The following NDE1 variants were observed in gnomAD, a reference collection of about 807,000 sequenced individuals.
The protein encoded by NDE1 is nuclear distribution protein nudE homolog 1.
In NDE1, 28 loss-of-function variants were observed where a neutral mutation model predicts 43.4. The observed-to-expected ratio is 0.65, with a 90% CI of 0.48 to 0.89. The LOEUF (loss-of-function observed/expected upper bound fraction) is 0.89, where lower values mean the gene tolerates loss of function less well. NDE1 is among the 40% of genes least tolerant of loss of function. The probability of loss-of-function intolerance (pLI) is 0.00; values close to 1 mark genes in which losing one functional copy is unlikely to be tolerated. For missense variants in NDE1, 441 were observed against 434.1 expected, an observed-to-expected ratio of 1.02 and a Z score of -0.14; for synonymous variants, 184 against 172.0, an observed-to-expected ratio of 1.07 and a Z score of -0.55.
At chr16:15,677,439 A>G (rs542040666) in intron 3 of NDE1, among the ~76,000 whole-genome samples, 2 of 152,112 alleles carry the variant, frequency 1.3e-5, no homozygotes, top group South Asian at 4.2e-4. Context: ...TACAAAAATT[A>G]GCCACTATTG....
chr16:15,707,828 T>C (rs1435334053), intron 8 of NDE1, among the ~76,000 whole-genome samples: 1 of 151,990 alleles, frequency 6.6e-6, no homozygotes, highest in Non-Finnish European at 1.5e-5. Flanking sequence ...AAAAATTAGC[T>C]GGGCGAGGTG....
At chr16:15,684,988 C>T (rs1261614785) in intron 4 of NDE1, among the ~76,000 whole-genome samples, 1 of 152,178 alleles carries the variant, frequency 6.6e-6, no homozygotes, top group East Asian at 1.9e-4. Flanking sequence ...CAGGATCTTT[C>T]AAATCAGTCC....
Position 15,714,718 on chromosome 16 carries a change from G to A in NDE1, c.948-9473G>A, listed in dbSNP as rs148225039. 5.5e-5 allele frequency: 39 copies of A among 713,496 alleles called. No homozygotes were observed. The African/African-American group carries it at 5.8e-4, about 11-fold the overall frequency. The allele number at this position is 713,496 out of a possible 1,614,324, so 44.2% of individuals were successfully genotyped here. A position where few individuals can be genotyped will look rare whatever the true frequency, so the allele number is the denominator to read the frequency against. On this transcript the variant is annotated intron_variant, in intron 8 of 8. Transcript: ENST00000396354. Reference sequence around the variant, plus strand: ...TAGAAGGTTAGCTGCTACCAGGCAAGGCAGGGCCCGGGTCTGATCTCAGTG... The same window carrying A: ...TAGAAGGTTAGCTGCTACCAGGCAAAGCAGGGCCCGGGTCTGATCTCAGTG...
intron 7 of NDE1, chr16:15,695,496 A>C (rs2038969028): frequency 9.6e-5 from 2 of 20,756 alleles, no homozygotes; most frequent in Non-Finnish European, 1.6e-4. Flanking sequence ...ACTTGGTCTC[A>C]AAAAAAAAAA....
At chr16:15,683,579 T>G (rs1409294081) in intron 4 of NDE1, among the ~76,000 whole-genome samples, 2 of 151,980 alleles carry the variant, frequency 1.3e-5, no homozygotes, top group Non-Finnish European at 2.9e-5. Flanking sequence ...ATCTCCTGAC[T>G]TTGTGATCCA....
intron 1 of NDE1, among the ~76,000 whole-genome samples, chr16:15,655,991 A>T (rs1161798443): frequency 1.4e-5 from 1 of 69,120 alleles, no homozygotes. Context: ...GGGTGGGGGG[A>T]GGGGGGAGGG....
chr16:15,679,188 T>C (rs1335176629), intron 4 of NDE1, among the ~76,000 whole-genome samples: 2 of 152,204 alleles, frequency 1.3e-5, no homozygotes, highest in African/African-American at 4.8e-5. Flanking sequence ...TGGAGGGCAG[T>C]GGTGCCACCA....
intron 4 of NDE1, among the ~76,000 whole-genome samples, chr16:15,679,061 A>G (rs1031331531): frequency 6.6e-6 from 1 of 152,134 alleles, no homozygotes; most frequent in Non-Finnish European, 1.5e-5. Flanking sequence ...TGGGTGACAG[A>G]GCTAGACTCT....
At chr16:15,662,003 A>G (rs1030137346) in intron 1 of NDE1, among the ~76,000 whole-genome samples, 2 of 151,722 alleles carry the variant, frequency 1.3e-5, no homozygotes, top group African/African-American at 2.4e-5. Context: ...CCGTGATCAT[A>G]GCTTACTGCA....
intron 8 of NDE1, chr16:15,719,145 A>G: frequency 6.9e-7 from 1 of 1,447,104 alleles, no homozygotes; most frequent in Non-Finnish European, 9.6e-7. Flanking sequence ...TTTAAAAAAT[A>G]AAATGGGGGT....
chr16:15,662,188 C>T (rs1354299167), intron 1 of NDE1, among the ~76,000 whole-genome samples: 1 of 151,944 alleles, frequency 6.6e-6, no homozygotes, highest in East Asian at 1.9e-4. Context: ...GTCCTCTTGC[C>T]TTGGCCTCCC....
At chr16:15,659,083 G>A (rs1596550304) in intron 1 of NDE1, among the ~76,000 whole-genome samples, 2 of 152,168 alleles carry the variant, frequency 1.3e-5, no homozygotes, top group African/African-American at 2.4e-5. Context: ...AAAAGTAGGA[G>A]GGAGAAAGGA....
intron 8 of NDE1, among the ~76,000 whole-genome samples, chr16:15,710,522 A>G (rs1430807217): frequency 2.0e-5 from 3 of 151,740 alleles, no homozygotes; most frequent in Non-Finnish European, 2.9e-5. Context: ...TCCGTCTAAA[A>G]ATAAATAATA....
At chr16:15,718,740 AC>A (rs2151202175) in intron 8 of NDE1, 1 of 498,238 alleles carries the variant, frequency 2.0e-6, no homozygotes, top group Non-Finnish European at 3.6e-6. Flanking sequence ...AAGCAGCCAC[AC>A]CCCCAAACAG....
At chr16:15,714,753 C>T (rs548303418) in intron 8 of NDE1, 1 of 985,342 alleles carries the variant, frequency 1.0e-6, no homozygotes, top group Non-Finnish European at 1.6e-6. Flanking sequence ...GCCTGGCCCA[C>T]ACTAAGCTTA....
chr16:15,711,512 AGAG>A, intron 8 of NDE1, among the ~76,000 whole-genome samples: 1 of 152,196 alleles, frequency 6.6e-6, no homozygotes. Context: ...TTAAAAATAT[AGAG>A]GAGGTATGTT....
At chr16:15,678,391 G>A (rs971838163) in intron 4 of NDE1, among the ~76,000 whole-genome samples, 52 of 151,996 alleles carry the variant, frequency 3.4e-4, no homozygotes, top group Middle Eastern at 3.4e-3. Context: ...TTTTGGAGAC[G>A]GAGAGTCTCT....
chr16:15,650,179 G>T (rs941340226), upstream of NDE1: 3 of 170,728 alleles, frequency 1.8e-5, no homozygotes, highest in Non-Finnish European at 2.4e-5. Context: ...GCAGCCAATG[G>T]GAGGCGCCGA....
intron 5 of NDE1, 119 bp downstream of exon 5, chr16:15,687,630 A>C (rs2151102722): frequency 1.0e-6 from 1 of 1,004,134 alleles, no homozygotes; most frequent in Non-Finnish European, 1.6e-6. Context: ...CTCTGCACCC[A>C]GGTTGTCTAA....
Sources: gnomAD v4.1 joint callset for allele counts (sites outside exome capture counted in the v4.1 genomes callset) on GRCh38, gnomAD v4.1.1 for gene constraint, MANE v1.5 for transcripts, NCBI Gene and HGNC (gene_info 2026-07-23, HGNC 2026-07-21) for gene names.